Variants in CNTNAP2 observed in about 807,000 individuals in gnomAD.
CNTNAP2 encodes contactin associated protein 2.
A neutral mutation model predicts 155.2 loss-of-function variants in CNTNAP2; 98 were observed. The observed-to-expected ratio is 0.63, with a 90% confidence interval of 0.54 to 0.75. CNTNAP2 has a LOEUF of 0.75. Ranked by LOEUF, CNTNAP2 falls within the 30% of genes least tolerant of loss-of-function variation. The pLI, the probability that CNTNAP2 is intolerant of heterozygous loss-of-function variation, is 0.00. For synonymous variants in CNTNAP2, 651 were observed against 631.2 expected, an observed-to-expected ratio of 1.03 and a Z score of -0.47; for missense variants, 1,727 against 1,688.1, an observed-to-expected ratio of 1.02 and a Z score of -0.40.
At chr7:147,884,131 G>C (rs562625680) in intron 13 of CNTNAP2, among the ~76,000 whole-genome samples, 2 of 152,170 alleles carry the variant, frequency 1.3e-5, no homozygotes, top group African/African-American at 2.4e-5. Context: ...GAGAATTTCA[G>C]GTGGCAAAAA....
At chr7:148,277,284 T>C (rs1292493086) in intron 21 of CNTNAP2, among the ~76,000 whole-genome samples, 2 of 152,140 alleles carry the variant, frequency 1.3e-5, no homozygotes, top group Non-Finnish European at 2.9e-5. Context: ...AAATCTGTGG[T>C]TGATGAACTT....
At chr7:146,756,956 C>T (rs1230377306) in intron 1 of CNTNAP2, among the ~76,000 whole-genome samples, 1 of 152,074 alleles carries the variant, frequency 6.6e-6, no homozygotes, top group Admixed American at 6.5e-5. Context: ...TTCTAATCCA[C>T]CCCACAGTTC....
intron 13 of CNTNAP2, among the ~76,000 whole-genome samples, chr7:147,866,549 AG>A (rs1799232520): frequency 6.6e-6 from 1 of 152,148 alleles, no homozygotes; most frequent in Non-Finnish European, 1.5e-5. Context: ...ATTGTGTGGG[AG>A]TATAAGTCTC....
intron 9 of CNTNAP2, among the ~76,000 whole-genome samples, chr7:147,367,904 G>T (rs1796262644): frequency 2.6e-5 from 4 of 152,024 alleles, no homozygotes; most frequent in Admixed American, 2.6e-4. Context: ...TCTGTAATGG[G>T]CTAACCTTTG....
chr7:148,351,893 A>C (rs1015294675), intron 21 of CNTNAP2, among the ~76,000 whole-genome samples: 4 of 152,130 alleles, frequency 2.6e-5, no homozygotes, highest in Non-Finnish European at 2.9e-5. Flanking sequence ...GCTGTGCTAC[A>C]ATCTGGCATT....
intron 21 of CNTNAP2, among the ~76,000 whole-genome samples, chr7:148,271,223 A>G (rs891363319): frequency 3.3e-5 from 5 of 152,356 alleles, no homozygotes; most frequent in African/African-American, 1.2e-4. Flanking sequence ...GTATAGAATA[A>G]GGAGCTAAGG....
At chr7:146,988,652 CA>C (rs1798158021) in intron 3 of CNTNAP2, among the ~76,000 whole-genome samples, 2 of 152,112 alleles carry the variant, frequency 1.3e-5, no homozygotes, top group African/African-American at 4.8e-5. Flanking sequence ...TAACACTGCT[CA>C]AAACTTGTCC....
chr7:147,078,521 A>AT (rs893243506), intron 4 of CNTNAP2, among the ~76,000 whole-genome samples: 5 of 151,984 alleles, frequency 3.3e-5, no homozygotes, highest in African/African-American at 4.8e-5. Context: ...GAAAGCACAG[A>AT]TTTTTTTAAA....
At chr7:148,002,631 A>T (rs1380127404) in intron 15 of CNTNAP2, among the ~76,000 whole-genome samples, 3 of 152,056 alleles carry the variant, frequency 2.0e-5, no homozygotes, top group Non-Finnish European at 4.4e-5. Flanking sequence ...CAAAACCTTG[A>T]TTTTTTTGGA....
At chr7:147,002,781 T>C (rs1798448335) in intron 3 of CNTNAP2, among the ~76,000 whole-genome samples, 1 of 151,522 alleles carries the variant, frequency 6.6e-6, no homozygotes, top group South Asian at 2.1e-4. Flanking sequence ...CTCTATTGGG[T>C]CTCTTCATTA....
chr7:146,927,652 A>G (rs1796634306), intron 3 of CNTNAP2, among the ~76,000 whole-genome samples: 1 of 152,004 alleles, frequency 6.6e-6, no homozygotes, highest in Non-Finnish European at 1.5e-5. Context: ...ACACATTTCT[A>G]TGACATTTTT....
intron 1 of CNTNAP2, among the ~76,000 whole-genome samples, chr7:146,758,422 T>C (rs1443705325): frequency 6.6e-6 from 1 of 152,192 alleles, no homozygotes; most frequent in Non-Finnish European, 1.5e-5. Flanking sequence ...GGCTTTGATC[T>C]CCTGAGTTCT....
intron 5 of CNTNAP2, among the ~76,000 whole-genome samples, chr7:147,118,843 G>A (rs931446049): frequency 6.6e-6 from 1 of 152,152 alleles, no homozygotes; most frequent in African/African-American, 2.4e-5. Flanking sequence ...ATTATGTGGT[G>A]CATGACTGTT....
chr7:146,598,929 G>T (rs995193812), intron 1 of CNTNAP2, among the ~76,000 whole-genome samples: 2 of 152,026 alleles, frequency 1.3e-5, no homozygotes, highest in Non-Finnish European at 2.9e-5. Context: ...CACTAAAAAT[G>T]AAAATCCTTC....
chr7:147,955,999 T>A (rs889411708), intron 14 of CNTNAP2, among the ~76,000 whole-genome samples: 1 of 152,162 alleles, frequency 6.6e-6, no homozygotes, highest in African/African-American at 2.4e-5. Flanking sequence ...TAAAGTAAGA[T>A]CACAGTTGCA....
chr7:147,334,956 AATAATC>A, intron 9 of CNTNAP2, among the ~76,000 whole-genome samples: 1 of 152,320 alleles, frequency 6.6e-6, no homozygotes, highest in African/African-American at 2.4e-5. Flanking sequence ...TTATTTTCAC[AATAATC>A]TCACAGAGTA....
intron 9 of CNTNAP2, among the ~76,000 whole-genome samples, chr7:147,302,281 G>T (rs1794958178): frequency 6.6e-6 from 1 of 152,176 alleles, no homozygotes; most frequent in South Asian, 2.1e-4. Flanking sequence ...CCATACATGA[G>T]CTCCCTGAAT....
At chr7:147,857,803 A>T (rs904067772) in intron 13 of CNTNAP2, among the ~76,000 whole-genome samples, 2 of 152,220 alleles carry the variant, frequency 1.3e-5, no homozygotes, top group African/African-American at 4.8e-5. Context: ...GTAAATCTCT[A>T]ATATGAATAT....
At chr7:146,817,458 G>A (rs548561843) in intron 2 of CNTNAP2, among the ~76,000 whole-genome samples, 3 of 148,484 alleles carry the variant, frequency 2.0e-5, no homozygotes, top group South Asian at 4.2e-4. Context: ...GGCAACATGA[G>A]CGAAACTCCA....
Sources: gnomAD v4.1 joint callset for allele counts (sites outside exome capture counted in the v4.1 genomes callset) on GRCh38, gnomAD v4.1.1 for gene constraint, MANE v1.5 for transcripts, NCBI Gene and HGNC (gene_info 2026-07-23, HGNC 2026-07-21) for gene names.